Variants in CNTN5 observed in about 807,000 individuals in gnomAD.
The protein encoded by CNTN5 is contactin 5, also known as contactin-5.
CNTN5 carries 77 observed loss-of-function variants against 129.1 expected under a neutral mutation model. That is an observed-to-expected ratio of 0.60 (90% confidence interval 0.50 to 0.72). The LOEUF (loss-of-function observed/expected upper bound fraction) is 0.72. Among genes scored for constraint, CNTN5 ranks in the 30% least tolerant of loss-of-function variants. CNTN5 has a pLI of 0.00. For synonymous variants in CNTN5, 509 were observed against 465.6 expected (o/e 1.09, Z -1.20); for missense variants, 1,478 against 1,328.8 (o/e 1.11, Z -1.75).
intron 13 of CNTN5, among the ~76,000 whole-genome samples, chr11:100,116,508 GA>G (rs1006213269): frequency 1.1e-3 from 153 of 133,898 alleles, no homozygotes; most frequent in African/African-American, 2.6e-3. Context: ...GAGGGAATTA[GA>G]AAAAAAAAAA....
At chr11:99,495,168 A>G (rs1307781321) in intron 2 of CNTN5, among the ~76,000 whole-genome samples, 2 of 152,120 alleles carry the variant, frequency 1.3e-5, no homozygotes, top group Non-Finnish European at 2.9e-5. Flanking sequence ...GGAGTTCAAG[A>G]CCAGCCTGAC....
chr11:100,325,457 T>C (rs539930120), intron 21 of CNTN5, among the ~76,000 whole-genome samples: 1 of 152,146 alleles, frequency 6.6e-6, no homozygotes, highest in Non-Finnish European at 1.5e-5. Flanking sequence ...TCACAGTGAG[T>C]GGTATAAAAC....
At chr11:99,321,467 G>A (rs1433758996) in intron 1 of CNTN5, among the ~76,000 whole-genome samples, 2 of 151,578 alleles carry the variant, frequency 1.3e-5, no homozygotes, top group Non-Finnish European at 2.9e-5. Context: ...TAGGCTTCTG[G>A]GTAATGTGGT....
intron 1 of CNTN5, among the ~76,000 whole-genome samples, chr11:99,053,235 G>T (rs369661226): frequency 2.0e-5 from 3 of 151,868 alleles, no homozygotes; most frequent in African/African-American, 7.2e-5. Context: ...TATGTCAAAA[G>T]TTTTTGAAGA....
chr11:100,265,588 G>A (rs1363832332), intron 17 of CNTN5, among the ~76,000 whole-genome samples: 4 of 152,102 alleles, frequency 2.6e-5, no homozygotes, highest in African/African-American at 9.7e-5. Context: ...CGCTGACACA[G>A]TTAATGCAAT....
chr11:99,292,874 C>A (rs905751986), intron 1 of CNTN5, among the ~76,000 whole-genome samples: 5 of 152,134 alleles, frequency 3.3e-5, no homozygotes, highest in African/African-American at 9.7e-5. Context: ...GGACCAGCCA[C>A]TTCTCTACAT....
chr11:99,732,278 G>A (rs1943560474), intron 3 of CNTN5, among the ~76,000 whole-genome samples: 1 of 152,126 alleles, frequency 6.6e-6, no homozygotes, highest in South Asian at 2.1e-4. Context: ...TTAGTGAGCT[G>A]GAATGATATC....
intron 18 of CNTN5, among the ~76,000 whole-genome samples, chr11:100,283,668 G>A (rs748267956): frequency 1.3e-5 from 2 of 152,268 alleles, no homozygotes; most frequent in East Asian, 3.9e-4. Context: ...CCTCCGGGCC[G>A]GGCGCTGTGG....
chr11:99,215,653 C>T (rs954492326), intron 1 of CNTN5, among the ~76,000 whole-genome samples: 7 of 152,202 alleles, frequency 4.6e-5, no homozygotes, highest in African/African-American at 1.4e-4. Flanking sequence ...CTGAAGTTGG[C>T]TAACAGAAAA....
chr11:100,106,668 C>CA (rs1293971216), intron 13 of CNTN5, among the ~76,000 whole-genome samples: 2 of 151,892 alleles, frequency 1.3e-5, no homozygotes, highest in Non-Finnish European at 1.5e-5. Context: ...TAAAAACAAA[C>CA]AAAAAAATGA....
intron 9 of CNTN5, among the ~76,000 whole-genome samples, chr11:100,010,737 T>G (rs1940476478): frequency 6.6e-6 from 1 of 152,142 alleles, no homozygotes; most frequent in Non-Finnish European, 1.5e-5. Flanking sequence ...AACCCATCTC[T>G]TAATCAACTG....
chr11:100,214,821 A>G (rs1418232049), intron 15 of CNTN5, among the ~76,000 whole-genome samples: 1 of 152,210 alleles, frequency 6.6e-6, no homozygotes, highest in Non-Finnish European at 1.5e-5. Context: ...CTAGCAGTAT[A>G]AAACTACAAA....
chr11:99,043,860 G>A (rs11218173), intron 1 of CNTN5, among the ~76,000 whole-genome samples: 2,059 of 152,246 alleles, frequency 0.014, 49 homozygotes, highest in African/African-American at 0.047. Flanking sequence ...ACCTGTAGTA[G>A]CCTGGCCTCT....
intron 2 of CNTN5, among the ~76,000 whole-genome samples, chr11:99,550,385 G>T (rs1269225011): frequency 6.6e-6 from 1 of 152,006 alleles, no homozygotes; most frequent in Non-Finnish European, 1.5e-5. Context: ...TTCCCCAGGT[G>T]CATTGAGCTA....
At chr11:100,091,303 T>G (rs1390391690) in intron 13 of CNTN5, among the ~76,000 whole-genome samples, 1 of 152,024 alleles carries the variant, frequency 6.6e-6, no homozygotes, top group Non-Finnish European at 1.5e-5. Flanking sequence ...GAGGCCTTCC[T>G]GACCCTCTAT....
At chr11:99,722,813 GTTATATA>G (rs1943217398) in intron 3 of CNTN5, among the ~76,000 whole-genome samples, 1 of 151,634 alleles carries the variant, frequency 6.6e-6, no homozygotes. Context: ...GCCCATATGG[GTTATATA>G]TTATGTATAT....
intron 2 of CNTN5, among the ~76,000 whole-genome samples, chr11:99,472,975 C>T (rs569241211): frequency 2.0e-5 from 3 of 152,266 alleles, no homozygotes; most frequent in South Asian, 2.1e-4. Flanking sequence ...CCCTCTCTGA[C>T]AGCGACCAAC....
intron 1 of CNTN5, among the ~76,000 whole-genome samples, chr11:99,310,552 T>C (rs1304841049): frequency 6.6e-6 from 1 of 152,168 alleles, no homozygotes; most frequent in Non-Finnish European, 1.5e-5. Flanking sequence ...CATTATTACA[T>C]TGAAACACAT....
At chr11:100,157,118 T>C (rs768108843) in intron 13 of CNTN5, among the ~76,000 whole-genome samples, 11 of 151,910 alleles carry the variant, frequency 7.2e-5, no homozygotes, top group Non-Finnish European at 1.3e-4. Flanking sequence ...CTGCTTTCTT[T>C]TTATCACTTT....
Sources: gnomAD v4.1 joint callset for allele counts (sites outside exome capture counted in the v4.1 genomes callset) on GRCh38, gnomAD v4.1.1 for gene constraint, MANE v1.5 for transcripts, NCBI Gene and HGNC (gene_info 2026-07-23, HGNC 2026-07-21) for gene names.